Variants in HDAC9 observed in about 807,000 individuals in gnomAD.
HDAC9 encodes the protein MEF-2 interacting transcription repressor (MITR) protein.
In HDAC9, 41 loss-of-function variants were observed where a neutral mutation model predicts 139.4. The ratio of observed to expected loss-of-function variants is 0.29; its 90% CI spans 0.23 to 0.38. The LOEUF (loss-of-function observed/expected upper bound fraction) is 0.38, where lower values mean the gene tolerates loss of function less well. Among genes scored for constraint, HDAC9 ranks in the 10% least tolerant of loss-of-function variants. HDAC9 has a pLI of 1.00. For synonymous variants in HDAC9, 517 were observed against 476.2 expected (o/e 1.09, Z -1.12); for missense variants, 1,147 against 1,297.0 (o/e 0.88, Z 1.78).
At chr7:18,848,140 C>T (rs545880396) in intron 21 of HDAC9, among the ~76,000 whole-genome samples, 2 of 152,196 alleles carry the variant, frequency 1.3e-5, no homozygotes, top group South Asian at 4.2e-4. Context: ...ATTAGGAACC[C>T]AGGGAGACCA....
chr7:18,260,629 AT>A (rs1352480377), intron 2 of HDAC9: 3 of 154,212 alleles, frequency 1.9e-5, no homozygotes, highest in Non-Finnish European at 4.4e-5. Context: ...AACAGACACT[AT>A]TTAAAACATT....
chr7:18,173,986 G>A lies in HDAC9; in HGVS notation c.25+11637G>A, dbSNP rs183579536. Among the ~76,000 whole-genome samples, 24 of 152,266 alleles carry A rather than the reference G, an allele frequency of 1.6e-4. No individual in the cohort carries two copies. The East Asian group carries it at 4.3e-3, about 27-fold the overall frequency. On this transcript the variant is annotated intron_variant, in intron 2 of 12. Coordinates refer to the HDAC9 transcript ENST00000417496. ...TTCTCCGTATTTCCTGAATTTGAAT[G>A]TTGGCCTGTCTTGTTAGTTTGGGGA...
At chr7:18,615,189 A>C (rs1219174232) in intron 6 of HDAC9, among the ~76,000 whole-genome samples, 1 of 152,172 alleles carries the variant, frequency 6.6e-6, no homozygotes, top group Non-Finnish European at 1.5e-5. Flanking sequence ...TCATACTATA[A>C]AGGTCATATA....
intron 1 of HDAC9, among the ~76,000 whole-genome samples, chr7:18,131,003 G>C (rs1637632): frequency 0.44 from 67,221 of 151,402 alleles, 17,638 homozygotes; most frequent in African/African-American, 0.74. Context: ...TCTTATAATC[G>C]AGTGTTTAGA....
At chr7:18,090,592 G>T (rs1022689534) in intron 1 of HDAC9, among the ~76,000 whole-genome samples, 8 of 152,170 alleles carry the variant, frequency 5.3e-5, no homozygotes, top group African/African-American at 1.7e-4. Context: ...CAAGCTTGAG[G>T]ATCATCAGCC....
At chr7:18,779,131 T>C (rs1489380122) in intron 16 of HDAC9, among the ~76,000 whole-genome samples, 5 of 152,076 alleles carry the variant, frequency 3.3e-5, no homozygotes, top group Admixed American at 6.6e-5. Flanking sequence ...GTGGGCATTA[T>C]AACCTACAAC....
chr7:18,247,898 A>G (rs187614825), intron 2 of HDAC9, among the ~76,000 whole-genome samples: 2 of 152,320 alleles, frequency 1.3e-5, no homozygotes, highest in East Asian at 3.9e-4. Context: ...TTTAAAAACT[A>G]TCCTGTAAAG....
Position 18,125,183 on chromosome 7 carries a change from C to G in HDAC9, c.-96-37046C>G, listed in dbSNP as rs74544297. ...GCAGTCCTGGGGAATGAGGGTACCC[C>G]CCCATCTTTTACCCTTTGTCTCAGC... On this transcript the variant is annotated intron_variant, in intron 1 of 12. Transcript: ENST00000417496. Among the ~76,000 whole-genome samples the G allele has an allele frequency of 7.1e-4, 108 of 152,128 alleles. 1 individual carries two copies. In the East Asian group the frequency reaches 0.02, roughly 28 times the overall value.
At chr7:18,359,759 C>G (rs1182347950) in intron 1 of HDAC9, among the ~76,000 whole-genome samples, 3 of 152,150 alleles carry the variant, frequency 2.0e-5, no homozygotes, top group Non-Finnish European at 4.4e-5. Flanking sequence ...CAGGCACGCA[C>G]CACCGTGCCC....
chr7:18,302,846 A>T (rs963805731), intron 1 of HDAC9, among the ~76,000 whole-genome samples: 22 of 152,226 alleles, frequency 1.4e-4, no homozygotes, highest in Non-Finnish European at 2.9e-4. Context: ...ACTGACAGAT[A>T]TTAAACAAAT....
intron 22 of HDAC9, among the ~76,000 whole-genome samples, chr7:18,924,119 G>A (rs1383081497): frequency 6.9e-6 from 1 of 143,888 alleles, no homozygotes; most frequent in Non-Finnish European, 1.5e-5. Context: ...AGAATTGCCT[G>A]TTTTAAAAAA....
At position 18,819,235 on chromosome 7, in the gene HDAC9, G is replaced by C. The variant is rs190735393; in HGVS notation, c.2323-9926G>C. 4.9e-3 allele frequency among the ~76,000 whole-genome samples: 746 copies of C among 152,214 alleles called. 4 individuals carry two copies. The highest frequency in any genetic ancestry group is 0.017 in the African/African-American group (701 of 41,542). ...GCGGAGGTTGCAGTGAGCTGAGATA[G>C]CACCACTGTACTCCAGCCTGGGTGA... On this transcript the variant is annotated intron_variant, in intron 17 of 25. Coordinates refer to ENST00000686413, the MANE Select transcript of HDAC9 (RefSeq NM_178425.4).
chr7:18,639,207 G>A (rs527822717), intron 8 of HDAC9, among the ~76,000 whole-genome samples: 1 of 152,168 alleles, frequency 6.6e-6, no homozygotes, highest in Non-Finnish European at 1.5e-5. Flanking sequence ...TCATCTGCCT[G>A]TTGTTTCATA....
intron 2 of HDAC9, among the ~76,000 whole-genome samples, chr7:18,218,486 A>C (rs1357222577): frequency 6.6e-6 from 1 of 152,072 alleles, no homozygotes; most frequent in Non-Finnish European, 1.5e-5. Context: ...GAAGTGACAT[A>C]CTGTTCCTTC....
chr7:18,648,396 TTGTGTGTGTGTGTA>T (rs2129030819), intron 10 of HDAC9, 56 bp from the exon 11 acceptor site: 19 of 1,206,784 alleles, frequency 1.6e-5, no homozygotes, highest in South Asian at 1.3e-5. Context: ...TTTCTTAAAA[TTGTGTGTGTGTGTA>T]TGTGTGTGTG....
At chr7:18,596,491 T>C (rs1283988583) in intron 6 of HDAC9, among the ~76,000 whole-genome samples, 1 of 152,128 alleles carries the variant, frequency 6.6e-6, no homozygotes, top group Non-Finnish European at 1.5e-5. Context: ...TGTTGTCAAA[T>C]AATTTTTACT....
intron 24 of HDAC9, among the ~76,000 whole-genome samples, chr7:18,969,521 A>G (rs774426517): frequency 1.3e-5 from 2 of 152,188 alleles, no homozygotes; most frequent in Non-Finnish European, 2.9e-5. Flanking sequence ...GAAAATTACT[A>G]GGCATGCAAA....
At chr7:18,569,086 G>T (rs1031922866) in intron 2 of HDAC9, among the ~76,000 whole-genome samples, 1 of 150,276 alleles carries the variant, frequency 6.7e-6, no homozygotes, top group Non-Finnish European at 1.5e-5. Flanking sequence ...ATAAAATTTG[G>T]CTATAGATTG....
At chr7:18,317,317 C>T (rs1333138317) in intron 1 of HDAC9, among the ~76,000 whole-genome samples, 2 of 151,982 alleles carry the variant, frequency 1.3e-5, no homozygotes, top group African/African-American at 4.8e-5. Flanking sequence ...TTATTTCTAG[C>T]AGCCAGATTT....
Sources: allele counts gnomAD v4.1 joint callset (sites outside exome capture counted in the v4.1 genomes callset), GRCh38; gene constraint gnomAD v4.1.1; transcripts MANE v1.5; gene names NCBI Gene and HGNC (gene_info 2026-07-23, HGNC 2026-07-21).